The following LTBP1 variants were observed in gnomAD, a reference collection of about 807,000 sequenced individuals.
The protein encoded by LTBP1 is latent transforming growth factor beta binding protein 1, also known as latent-transforming growth factor beta-binding protein 1.
A neutral mutation model predicts 207.6 loss-of-function variants in LTBP1; 129 were observed. The ratio of observed to expected loss-of-function variants is 0.62; its 90% confidence interval spans 0.54 to 0.72. The LOEUF is 0.72. LTBP1 is among the 30% of genes least tolerant of loss of function. The probability of loss-of-function intolerance (pLI) is 0.00; values close to 1 mark genes in which losing one functional copy is unlikely to be tolerated. For synonymous variants in LTBP1, 963 were observed against 833.7 expected (o/e 1.16, Z -2.67); for missense variants, 2,281 against 2,217.2 (o/e 1.03, Z -0.58).
intron 2 of LTBP1, among the ~76,000 whole-genome samples, chr2:32,981,641 C>T (rs1682777950): frequency 6.6e-6 from 1 of 152,102 alleles, no homozygotes. Flanking sequence ...GGCCATGTCC[C>T]CACCCAAATC....
chr2:33,002,537 G>A (rs1313141933), intron 2 of LTBP1, among the ~76,000 whole-genome samples: 3 of 152,140 alleles, frequency 2.0e-5, no homozygotes, highest in African/African-American at 7.2e-5. Context: ...TGCTCTTGTG[G>A]GTGGATTTTC....
intron 15 of LTBP1, among the ~76,000 whole-genome samples, chr2:33,264,584 T>A (rs1312703319): frequency 2.6e-5 from 4 of 152,122 alleles, no homozygotes; most frequent in African/African-American, 9.7e-5. Flanking sequence ...AATAATATAA[T>A]CAGATAATTT....
chr2:33,059,882 T>C (rs2077181601), intron 3 of LTBP1, among the ~76,000 whole-genome samples: 1 of 152,214 alleles, frequency 6.6e-6, no homozygotes, highest in African/African-American at 2.4e-5. Flanking sequence ...AAATGCCTTC[T>C]AGACTTTAGA....
intron 9 of LTBP1, among the ~76,000 whole-genome samples, chr2:33,229,781 A>T (rs977321688): frequency 1.3e-5 from 2 of 152,176 alleles, no homozygotes; most frequent in African/African-American, 4.8e-5. Flanking sequence ...CAATTCGCTG[A>T]TGGTCTACTG....
chr2:33,144,523 A>G (rs1247928503), intron 5 of LTBP1, among the ~76,000 whole-genome samples: 1 of 152,208 alleles, frequency 6.6e-6, no homozygotes, highest in Non-Finnish European at 1.5e-5. Context: ...AGCTGTGGTC[A>G]GGAGGAAAAG....
chr2:33,032,969 G>T (rs1350489875), intron 3 of LTBP1, among the ~76,000 whole-genome samples: 1 of 152,106 alleles, frequency 6.6e-6, no homozygotes, highest in Non-Finnish European at 1.5e-5. Context: ...AAAAAACAAG[G>T]ATTTGATCAA....
Position 33,252,820 on chromosome 2 carries a change from G to T in LTBP1, c.2143G>T (p.Glu715Ter). 1 of 1,608,570 alleles carries T rather than the reference G, an allele frequency of 6.2e-7. No homozygotes were observed. Among genetic ancestry groups the T allele is most frequent in the South Asian group, 1.1e-5 (1 of 90,154 alleles). Residue 715 changes from glutamate to a stop codon, truncating the protein, a stop_gained, in exon 11 of 34, where the codon GAG becomes TAG. Transcript: ENST00000404816. LOFTEE classifies it high-confidence loss of function. ...SVGKAWGPHC[E>*]KCPLPGTAAF... The stretch of plus-strand genomic sequence containing the variant: ...GGGCAAGGCCTGGGGCCCACACTGT[G>T]AGAAATGTCCCCTTCCAGGCACAGG...
chr2:33,386,781 C>T (rs2095268971), intron 31 of LTBP1, among the ~76,000 whole-genome samples: 1 of 151,522 alleles, frequency 6.6e-6, no homozygotes. Flanking sequence ...ACCACGATAC[C>T]ACAATGGTGC....
chr2:33,023,276 C>G (rs219203), intron 3 of LTBP1, among the ~76,000 whole-genome samples: 136,510 of 152,234 alleles, frequency 0.9, 62,868 homozygotes, highest in East Asian at 1. Flanking sequence ...TATTCATCTT[C>G]AATATCACCA....
intron 5 of LTBP1, among the ~76,000 whole-genome samples, chr2:33,157,556 T>C (rs988443356): frequency 4.6e-5 from 7 of 152,186 alleles, no homozygotes; most frequent in Admixed American, 3.9e-4. Context: ...AAGGTCATAG[T>C]TGGTGGCAAC....
chr2:33,087,084 C>CTTTTTTTTT lies in LTBP1; in HGVS notation c.864-23482_864-23474dup, dbSNP rs35334788. On this transcript the variant is annotated intron_variant, in intron 3 of 33. Coordinates refer to ENST00000404816, the MANE Select transcript of LTBP1 (RefSeq NM_206943.4). ...AGCACCAGGCTGTCCCTCCTTTATG[C>CTTTTTTTTT]TTTTTTTTTTTTTTTTTTTTTTTTG... Among the ~76,000 whole-genome samples the CTTTTTTTTT allele has an allele frequency of 1.5e-3, 129 of 88,952 alleles. 8 individuals carry two copies. Among genetic ancestry groups the CTTTTTTTTT allele is most frequent in the South Asian group, 1.9e-3 (5 of 2,622 alleles). The allele number at this position is 88,952 out of a possible 152,430, so 58.4% of individuals were successfully genotyped here.
intron 20 of LTBP1, among the ~76,000 whole-genome samples, chr2:33,296,982 A>C (rs1041425156): frequency 2.6e-5 from 4 of 152,196 alleles, no homozygotes; most frequent in Admixed American, 6.5e-5. Context: ...GTGTTTGCTA[A>C]ATTAGAGGCA....
intron 7 of LTBP1, among the ~76,000 whole-genome samples, chr2:33,209,212 T>A (rs758749048): frequency 6.6e-6 from 1 of 152,150 alleles, no homozygotes; most frequent in Non-Finnish European, 1.5e-5. Flanking sequence ...AGGCCATTTC[T>A]TCTAGGGATG....
intron 3 of LTBP1, among the ~76,000 whole-genome samples, chr2:33,054,871 A>T (rs143492748): frequency 0.011 from 1,713 of 152,234 alleles, 19 homozygotes; most frequent in Middle Eastern, 0.048. Context: ...TGACCCAGGG[A>T]ACCTTCATCC....
At chr2:33,377,275 G>T (rs1357681856) in intron 31 of LTBP1, among the ~76,000 whole-genome samples, 1 of 152,194 alleles carries the variant, frequency 6.6e-6, no homozygotes, top group Non-Finnish European at 1.5e-5. Context: ...GGGAGGACCA[G>T]TGGACCTTGC....
chr2:33,261,475 A>C (rs1217986979), intron 13 of LTBP1, among the ~76,000 whole-genome samples: 4 of 152,238 alleles, frequency 2.6e-5, no homozygotes, highest in Non-Finnish European at 1.5e-5. Flanking sequence ...AAGAAGAAAG[A>C]GGAAGCCAGT....
chr2:33,154,544 G>C (rs947654230), intron 5 of LTBP1, among the ~76,000 whole-genome samples: 1 of 152,184 alleles, frequency 6.6e-6, no homozygotes, highest in Non-Finnish European at 1.5e-5. Flanking sequence ...CTTTATAAAG[G>C]CTGCATATTC....
chr2:33,262,111 T>C (rs1464363999), intron 13 of LTBP1, among the ~76,000 whole-genome samples: 1 of 152,196 alleles, frequency 6.6e-6, no homozygotes, highest in Non-Finnish European at 1.5e-5. Flanking sequence ...GGCACCAAAA[T>C]GTGTGATGAA....
chr2:33,145,916 A>T (rs6730341), intron 5 of LTBP1, among the ~76,000 whole-genome samples: 4,654 of 152,294 alleles, frequency 0.031, 83 homozygotes, highest in African/African-American at 0.055. Context: ...GTAAAAGCCT[A>T]CTGACTCTGC....
Sources: allele counts gnomAD v4.1 joint callset (sites outside exome capture counted in the v4.1 genomes callset), GRCh38; gene constraint gnomAD v4.1.1; transcripts MANE v1.5; gene names NCBI Gene and HGNC (gene_info 2026-07-23, HGNC 2026-07-21).